The following INPP5D variants were observed in gnomAD, a reference collection of about 807,000 sequenced individuals.
INPP5D encodes the protein phosphatidylinositol 3,4,5-trisphosphate 5-phosphatase 1.
A neutral mutation model predicts 122.9 loss-of-function variants in INPP5D; 33 were observed. The observed-to-expected ratio is 0.27, with a 90% CI of 0.20 to 0.36. The LOEUF is 0.36. Ranked by LOEUF, INPP5D falls within the 10% of genes least tolerant of loss-of-function variation. The probability of loss-of-function intolerance (pLI) is 1.00; values close to 1 mark genes in which losing one functional copy is unlikely to be tolerated. For missense variants in INPP5D, 1,053 were observed against 1,412.7 expected (o/e 0.75, Z 4.08); for synonymous variants, 584 against 576.2 (o/e 1.01, Z -0.19).
intron 1 of INPP5D, among the ~76,000 whole-genome samples, chr2:233,072,698 C>T (rs1371744064): frequency 3.3e-5 from 5 of 152,172 alleles, no homozygotes; most frequent in East Asian, 1.9e-4. Context: ...TTAAGTTATA[C>T]GTAATTTTCA....
intron 3 of INPP5D, among the ~76,000 whole-genome samples, chr2:233,122,871 A>T (rs1693031149): frequency 6.6e-6 from 1 of 152,222 alleles, no homozygotes; most frequent in South Asian, 2.1e-4. Context: ...TCACTTGACT[A>T]GCCTTTAAAA....
chr2:233,096,362 C>T (rs1311892834), intron 2 of INPP5D, among the ~76,000 whole-genome samples: 2 of 152,172 alleles, frequency 1.3e-5, no homozygotes, highest in Non-Finnish European at 2.9e-5. Context: ...TTAGAAATGA[C>T]ACTAATGACC....
At chr2:233,113,168 C>T (rs1044782286) in intron 2 of INPP5D, among the ~76,000 whole-genome samples, 1 of 152,050 alleles carries the variant, frequency 6.6e-6, no homozygotes, top group African/African-American at 2.4e-5. Context: ...CTGTGTATAC[C>T]CTGCTTCTGG....
rs1692289331 is a variant in INPP5D, at chr2:233,100,770, A to C, written c.199-21337A>C. Among the ~76,000 whole-genome samples the C allele has an allele frequency of 6.6e-6, 1 of 152,208 alleles. No individual in the cohort carries two copies. Among genetic ancestry groups the C allele is most frequent in the Admixed American group, 6.5e-5 (1 of 15,280 alleles). ...GCTCCTGTTAGAGCCTCCTTTCCCCAGAGGGCAGGGTGGGCCCCACTGGGG... is the reference window on the plus strand; with the variant it reads ...GCTCCTGTTAGAGCCTCCTTTCCCCCGAGGGCAGGGTGGGCCCCACTGGGG... On this transcript the variant is annotated intron_variant, in intron 2 of 26. Coordinates refer to ENST00000445964, the MANE Select transcript of INPP5D (RefSeq NM_001017915.3). The surrounding 1 kb of genome is among the most constrained non-coding windows in gnomAD (Gnocchi z 5.3).
At chr2:233,069,711 A>C (rs1691324953) in intron 1 of INPP5D, among the ~76,000 whole-genome samples, 1 of 152,202 alleles carries the variant, frequency 6.6e-6, no homozygotes. Flanking sequence ...ATTCTATTAC[A>C]TGATGTGCGA....
Position 233,204,309 on chromosome 2 carries a change from C to T in INPP5D, c.3159C>T (p.Pro1053=), listed in dbSNP as rs760435524. 1.9e-6 allele frequency: 3 copies of T among 1,612,232 alleles called. No individual in the cohort carries two copies. Among genetic ancestry groups the T allele is most frequent in the South Asian group, 2.2e-5 (2 of 90,936 alleles). The change falls in exon 26 of 27, where the codon CCC becomes CCT. Residue 1053 remains proline (P), a synonymous_variant. Coordinates refer to ENST00000445964, the MANE Select transcript of INPP5D (RefSeq NM_001017915.3). ...PRKEPPPCPE[P]GILSPSIVLT... ...AGGAACCCCCGCCCTGCCCGGAACC[C>T]GGCATCTTGTCGCCCAGCATCGTGC...
chr2:233,131,940 C>T (rs918444085), intron 5 of INPP5D, among the ~76,000 whole-genome samples: 2 of 152,302 alleles, frequency 1.3e-5, no homozygotes, highest in East Asian at 1.9e-4. Flanking sequence ...TTTAAAAGCA[C>T]GATCAGTACA....
intron 5 of INPP5D, among the ~76,000 whole-genome samples, chr2:233,132,759 C>T (rs1693363150): frequency 6.6e-6 from 1 of 152,184 alleles, no homozygotes; most frequent in Non-Finnish European, 1.5e-5. Context: ...CTCCTCTGAG[C>T]CCTGTTCTGG....
chr2:233,086,948 G>A (rs532711151), intron 2 of INPP5D, among the ~76,000 whole-genome samples: 17 of 152,244 alleles, frequency 1.1e-4, no homozygotes, highest in African/African-American at 3.9e-4. Flanking sequence ...CATTCCTAAT[G>A]ACTTATGTTC....
intron 2 of INPP5D, among the ~76,000 whole-genome samples, chr2:233,083,604 G>A (rs180764165): frequency 1.3e-5 from 2 of 152,152 alleles, no homozygotes; most frequent in African/African-American, 4.8e-5. Flanking sequence ...ACTTGGAAAG[G>A]GAAGTGACTC....
chr2:233,126,009 T>G, intron 4 of INPP5D, 90 bp downstream of exon 4: 1 of 1,281,006 alleles, frequency 7.8e-7, no homozygotes, highest in Non-Finnish European at 1.1e-6. Context: ...ATCCTAGTTA[T>G]GGGCCTGGTG....
At chr2:233,088,920 C>T (rs781623196) in intron 2 of INPP5D, among the ~76,000 whole-genome samples, 32 of 152,168 alleles carry the variant, frequency 2.1e-4, no homozygotes, top group Admixed American at 1.6e-3. Flanking sequence ...GGGGCCCAGG[C>T]GCGAGGGTCA....
At chr2:233,112,183 G>A (rs2106244732) in intron 2 of INPP5D, among the ~76,000 whole-genome samples, 1 of 152,202 alleles carries the variant, frequency 6.6e-6, no homozygotes, top group Non-Finnish European at 1.5e-5. Context: ...ATTGCCAAAT[G>A]GTGACTGTTT....
chr2:233,070,646 T>C (rs1574701548), intron 1 of INPP5D, among the ~76,000 whole-genome samples: 1 of 152,056 alleles, frequency 6.6e-6, no homozygotes. Context: ...TCTCACCATA[T>C]TGGCCAGGCT....
At chr2:233,178,611 T>TA (rs1428779554) in intron 18 of INPP5D, among the ~76,000 whole-genome samples, 4 of 151,878 alleles carry the variant, frequency 2.6e-5, no homozygotes, top group Non-Finnish European at 5.9e-5. Context: ...GACTCCCGAG[T>TA]AGCTGGGATA....
chr2:233,091,980 TACAA>T (rs983066781), intron 2 of INPP5D, among the ~76,000 whole-genome samples: 1 of 152,266 alleles, frequency 6.6e-6, no homozygotes, highest in African/African-American at 2.4e-5. Flanking sequence ...AAATTTGCAA[TACAA>T]ACAAAGTGGG....
Position 233,182,499 on chromosome 2 carries a change from G to T in INPP5D, c.2161G>T (p.Gly721Cys). 1 of 1,613,240 alleles carries T rather than the reference G, an allele frequency of 6.2e-7. No homozygotes were observed. Among genetic ancestry groups the T allele is most frequent in the Non-Finnish European group, 8.5e-7 (1 of 1,179,410 alleles). The change falls in exon 19 of 27, where the codon GGT becomes TGT. Residue 721 changes from glycine to cysteine, a missense_variant and splice_region_variant. Gly to Cys is a radical substitution (Grantham distance 159, BLOSUM62 -3). Transcript: ENST00000445964. ...CACTTCCCAGTTTGTCTCCAAGAACGGTAAGCAAAGGATGGTGTCTGTTTC... is the reference window on the plus strand; with the variant it reads ...CACTTCCCAGTTTGTCTCCAAGAACTGTAAGCAAAGGATGGTGTCTGTTTC... ...GVTSQFVSKN[G>C]PGTVDSQGQI...
At chr2:233,111,694 C>T (rs1418814180) in intron 2 of INPP5D, among the ~76,000 whole-genome samples, 1 of 152,234 alleles carries the variant, frequency 6.6e-6, no homozygotes, top group Non-Finnish European at 1.5e-5. Flanking sequence ...CAGAACTTAA[C>T]ACTGGACACT....
intron 2 of INPP5D, among the ~76,000 whole-genome samples, chr2:233,094,473 AC>A (rs1692075988): frequency 8.1e-6 from 1 of 123,274 alleles, no homozygotes; most frequent in South Asian, 2.9e-4. Context: ...AGATTGCCCC[AC>A]TGCACTCCAG....
Sources: allele counts gnomAD v4.1 joint callset (sites outside exome capture counted in the v4.1 genomes callset), GRCh38; gene constraint gnomAD v4.1.1; non-coding constraint Gnocchi (gnomAD v3.1); transcripts MANE v1.5; gene names NCBI Gene and HGNC (gene_info 2026-07-23, HGNC 2026-07-21).